Variants in EXD3 observed in about 807,000 individuals in gnomAD.
EXD3 encodes exonuclease mut-7 homolog.
Under a neutral mutation model 98.0 loss-of-function variants are expected in EXD3, and 92 were observed. The observed-to-expected ratio is 0.94, with a 90% CI of 0.79 to 1.12. The LOEUF (loss-of-function observed/expected upper bound fraction) is 1.12, where lower values mean the gene tolerates loss of function less well. EXD3 is among the 50% of genes most tolerant of loss of function. The pLI is 0.00. For synonymous variants in EXD3, 569 were observed against 526.0 expected (o/e 1.08, Z -1.12); for missense variants, 1,222 against 1,191.6 (o/e 1.03, Z -0.38).
chr9:137,380,252 T>C (rs1422237195), intron 3 of EXD3, among the ~76,000 whole-genome samples: 1 of 150,270 alleles, frequency 6.7e-6, no homozygotes. Flanking sequence ...ACAAAGAGCC[T>C]CCTGCTGTGC....
intron 1 of EXD3, among the ~76,000 whole-genome samples, chr9:137,412,652 G>A (rs920450672): frequency 6.6e-6 from 1 of 152,186 alleles, no homozygotes; most frequent in Non-Finnish European, 1.5e-5. Context: ...ATGCTGGCAA[G>A]ATGGCCACGC....
At chr9:137,330,344 A>G (rs1832970350) in intron 17 of EXD3, among the ~76,000 whole-genome samples, 1 of 144,552 alleles carries the variant, frequency 6.9e-6, no homozygotes, top group Non-Finnish European at 1.5e-5. Flanking sequence ...ACACAGGACT[A>G]CACAGGACTA....
rs769368971 is a variant in EXD3 at position 137,403,941 on chromosome 9, T to C, written c.-47-8537A>G. 4.0e-5 allele frequency among the ~76,000 whole-genome samples: 6 copies of C among 150,058 alleles called. No homozygotes were observed. Among genetic ancestry groups the C allele is most frequent in the Non-Finnish European group, 8.9e-5 (6 of 67,634 alleles). ...CATAGACCCCGAAGGATGTGGAGTG[T>C]CCTCCAGGGCCGTACAAAGCACCAC... On this transcript the variant is annotated intron_variant, in intron 1 of 21. Coordinates refer to ENST00000340951, the MANE Select transcript of EXD3 (RefSeq NM_017820.5). This position sits in a 1 kb window ranked among gnomAD's most constrained non-coding sequence, Gnocchi z 6.1.
intron 2 of EXD3, among the ~76,000 whole-genome samples, chr9:137,388,883 G>T (rs557461932): frequency 6.6e-6 from 1 of 152,158 alleles, no homozygotes; most frequent in South Asian, 2.1e-4. Context: ...GCATGTCCAC[G>T]GGTCCAGGCA....
At chr9:137,352,224 C>T (rs779697839) in intron 11 of EXD3, 23 bp from the exon 12 acceptor site, 20 of 1,611,776 alleles carry the variant, frequency 1.2e-5, no homozygotes, top group South Asian at 7.7e-5. Flanking sequence ...GAGCTGGTAG[C>T]GCCCCCATGT....
intron 1 of EXD3, among the ~76,000 whole-genome samples, chr9:137,415,890 C>T (rs6422890): frequency 0.62 from 94,837 of 152,126 alleles, 30,094 homozygotes; most frequent in Non-Finnish European, 0.68. Context: ...AAGGGGATCA[C>T]GCTGCACGGT....
At chr9:137,345,224 T>C (rs1380140391) in intron 17 of EXD3, among the ~76,000 whole-genome samples, 1 of 152,292 alleles carries the variant, frequency 6.6e-6, no homozygotes, top group Non-Finnish European at 1.5e-5. Flanking sequence ...CGGAATGCTT[T>C]CTTTCCTTTT....
intron 17 of EXD3, among the ~76,000 whole-genome samples, chr9:137,330,612 GACTACAC>G (rs1564482412): frequency 0.04 from 5,555 of 140,228 alleles, 904 homozygotes; most frequent in African/African-American, 0.12. Context: ...GACTACACAG[GACTACAC>G]AGGAACTACA....
At chr9:137,319,798 C>T (rs1363444144) in intron 19 of EXD3, among the ~76,000 whole-genome samples, 1 of 152,218 alleles carries the variant, frequency 6.6e-6, no homozygotes, top group Non-Finnish European at 1.5e-5. Context: ...TCATAGACCC[C>T]TTTCTTGCTC....
In EXD3 at chr9:137,403,078, A is replaced by G. The variant is rs1347072514; in HGVS notation, c.-47-7674T>C. 6.6e-6 allele frequency among the ~76,000 whole-genome samples: 1 copy of G among 152,108 alleles called. No individual in the cohort carries two copies. On this transcript the variant is annotated intron_variant, in intron 1 of 21. Coordinates refer to ENST00000340951, the MANE Select transcript of EXD3 (RefSeq NM_017820.5). This position sits in a 1 kb window ranked among gnomAD's most constrained non-coding sequence, Gnocchi z 6.1. ...GAGATGTGGGTGAGGACACAGCCAAAGCATATCACCCGCCACGGGAGACCC... is the reference window on the plus strand; with the variant it reads ...GAGATGTGGGTGAGGACACAGCCAAGGCATATCACCCGCCACGGGAGACCC...
chr9:137,400,611 C>T (rs1837434536), intron 1 of EXD3, among the ~76,000 whole-genome samples: 1 of 151,952 alleles, frequency 6.6e-6, no homozygotes, highest in Admixed American at 6.6e-5. Context: ...ACTACAAATA[C>T]AAAATTAGCC....
intron 7 of EXD3, among the ~76,000 whole-genome samples, chr9:137,364,869 C>T (rs780904272): frequency 5.3e-5 from 8 of 150,434 alleles, no homozygotes; most frequent in East Asian, 2.0e-4. Context: ...CCTGGGTTCA[C>T]GCTATTCTCC....
At chr9:137,326,477 G>A (rs1832410284) in intron 17 of EXD3, among the ~76,000 whole-genome samples, 1 of 152,086 alleles carries the variant, frequency 6.6e-6, no homozygotes, top group Non-Finnish European at 1.5e-5. Context: ...TGTGAGCTGT[G>A]ATCGTGTCAC....
At chr9:137,383,759 A>G (rs2131724737) in intron 2 of EXD3, among the ~76,000 whole-genome samples, 1 of 152,154 alleles carries the variant, frequency 6.6e-6, no homozygotes, top group South Asian at 2.1e-4. Context: ...CAAACCCTGC[A>G]CCGCAGTCCT....
At chr9:137,367,886 G>A (rs768425393) in intron 6 of EXD3, 50 bp downstream of exon 6, 1 of 1,559,196 alleles carries the variant, frequency 6.4e-7, no homozygotes. Flanking sequence ...TAGAGACCTG[G>A]GCGTTATCCA....
rs1301452577 is a variant in EXD3, at chr9:137,381,297, TC to T, written c.120+2015del. ...CGGGCGTGGTGGCGCGCGCCTGTAA[TC>T]CCAGCTACTCCGGAGGCTGAGGCAG... On this transcript the variant is annotated intron_variant, in intron 3 of 21. Coordinates refer to ENST00000340951, the MANE Select transcript of EXD3 (RefSeq NM_017820.5). 2.0e-5 allele frequency: 3 copies of T among 148,096 alleles called. No homozygotes were observed. In the East Asian group the frequency reaches 6.0e-4, roughly 29 times the overall value. 9.2% of individuals were successfully genotyped at this position (148,096 alleles called of 1,614,324 possible).
At chr9:137,355,785 C>T (rs533807158) in intron 8 of EXD3, among the ~76,000 whole-genome samples, 1 of 151,678 alleles carries the variant, frequency 6.6e-6, no homozygotes, top group Non-Finnish European at 1.5e-5. Flanking sequence ...GGCCAGGTGC[C>T]AGCCTGTACC....
chr9:137,402,774 ACC>A (rs1837530931), intron 1 of EXD3, among the ~76,000 whole-genome samples: 1 of 152,074 alleles, frequency 6.6e-6, no homozygotes, highest in Non-Finnish European at 1.5e-5. Flanking sequence ...ATAAACACAT[ACC>A]TGAGACTCAG....
At position 137,352,665 on chromosome 9, in the gene EXD3, G is replaced by A. The variant is rs1194202749; in HGVS notation, c.992C>T (p.Pro331Leu). ...MELLLPEERL[P>L]AAVAVELRRF... ...GCGGAGTTCCACAGCCACCGCAGCCGGCAGCCGCTCCTCGGGCAGCAAGAG... is the reference window on the plus strand; with the variant it reads ...GCGGAGTTCCACAGCCACCGCAGCCAGCAGCCGCTCCTCGGGCAGCAAGAG... The change falls in exon 11 of 22, where the codon CCG (proline) becomes CTG (leucine). Residue 331 changes from proline (P) to leucine (L), a missense_variant. Coordinates refer to ENST00000340951, the MANE Select transcript of EXD3 (RefSeq NM_017820.5). The A allele has an allele frequency of 3.9e-6, 6 of 1,550,760 alleles. No individual in the cohort carries two copies. The highest frequency in any genetic ancestry group is 2.4e-5 in the East Asian group (1 of 40,954).
Sources: gnomAD v4.1 joint callset for allele counts (sites outside exome capture counted in the v4.1 genomes callset) on GRCh38, gnomAD v4.1.1 for gene constraint, Gnocchi (gnomAD v3.1) non-coding constraint, MANE v1.5 for transcripts, NCBI Gene and HGNC (gene_info 2026-07-23, HGNC 2026-07-21) for gene names.